Variants in RIMBP2 observed in about 807,000 individuals in gnomAD.
RIMBP2 encodes RIMS binding protein 2.
A neutral mutation model predicts 118.6 loss-of-function variants in RIMBP2; 48 were observed. That is an observed-to-expected ratio of 0.40 (90% CI 0.32 to 0.51). RIMBP2 has a LOEUF of 0.51. RIMBP2 is among the 20% of genes least tolerant of loss of function. The pLI, the probability that RIMBP2 is intolerant of heterozygous loss-of-function variation, is 0.41. For missense variants in RIMBP2, 1,551 were observed against 1,768.3 expected, an observed-to-expected ratio of 0.88 and a Z score of 2.20; for synonymous variants, 762 against 742.9, an observed-to-expected ratio of 1.03 and a Z score of -0.42.
At chr12:130,646,065 G>GCCTCTCCACCTCCCTCACCACTTC (rs1566421832) in intron 1 of RIMBP2, among the ~76,000 whole-genome samples, 4 of 79,708 alleles carry the variant, frequency 5.0e-5, no homozygotes, top group African/African-American at 1.0e-4. Flanking sequence ...CTCACCACCT[G>GCCTCTCCACCTCCCTCACCACTTC]CCTCTCCACC....
intron 6 of RIMBP2, among the ~76,000 whole-genome samples, chr12:130,459,083 T>G (rs1046034620): frequency 1.3e-5 from 2 of 150,748 alleles, no homozygotes; most frequent in Non-Finnish European, 3.0e-5. Context: ...AATAGACTTT[T>G]CATACAAAAA....
chr12:130,599,453 G>T (rs2059745224), intron 2 of RIMBP2, among the ~76,000 whole-genome samples: 1 of 152,164 alleles, frequency 6.6e-6, no homozygotes, highest in African/African-American at 2.4e-5. Context: ...TGGGCAAAAT[G>T]ATTTGAAAAA....
Position 130,442,395 on chromosome 12 carries a change from T to C in RIMBP2, c.957A>G (p.Lys319=), listed in dbSNP as rs902058951. The change falls in exon 11 of 23, where the codon AAA becomes AAG. Residue 319 remains lysine (K), a synonymous_variant. Transcript: ENST00000690449. The surrounding 1 kb of genome is among the most constrained non-coding windows in gnomAD (Gnocchi z 6.9). ...IGEDIVPYPR[K]ITLIKQLAKS... ...TGGCGAGTTGTTTGATGAGGGTGAT[T>C]TTTCTAGGGTAAGGCACGATGTCTT... The C allele has an allele frequency of 1.2e-6, 2 of 1,613,918 alleles. No individual in the cohort carries two copies. The highest frequency in any genetic ancestry group is 2.7e-5 in the African/African-American group (2 of 74,884).
chr12:130,442,269 G>C lies in RIMBP2; in HGVS notation c.1083C>G (p.Leu361=). ...GGGCTTTAGTTCTGCTCCCCAGCGT[G>C]AGGTTCATGCGTGTCTCCTTGTCCA... ...VLVDKETRMN[L]TLGSRTKALI... Residue 361 remains leucine, a synonymous_variant, in exon 11 of 23, where the codon CTC becomes CTG. Transcript: ENST00000690449. This position sits in a 1 kb window ranked among gnomAD's most constrained non-coding sequence, Gnocchi z 6.9. The C allele has an allele frequency of 6.2e-7, 1 of 1,614,198 alleles. No individual in the cohort carries two copies. The highest frequency in any genetic ancestry group is 8.5e-7 in the Non-Finnish European group (1 of 1,180,052).
At chr12:130,612,971 C>T (rs1321250774) in intron 2 of RIMBP2, among the ~76,000 whole-genome samples, 4 of 151,974 alleles carry the variant, frequency 2.6e-5, no homozygotes. Flanking sequence ...AGTCTCCAGC[C>T]CCCCGTCATC....
intron 2 of RIMBP2, among the ~76,000 whole-genome samples, chr12:130,527,111 T>C (rs1285528392): frequency 6.6e-6 from 1 of 152,200 alleles, no homozygotes; most frequent in Non-Finnish European, 1.5e-5. Flanking sequence ...GAGGGACCGT[T>C]GGGACTTGGA....
chr12:130,622,500 T>G lies in RIMBP2; in HGVS notation c.-217+5822A>C, dbSNP rs1016717003. On this transcript the variant is annotated intron_variant, in intron 2 of 22. Transcript: ENST00000690449. The surrounding 1 kb of genome is among the most constrained non-coding windows in gnomAD (Gnocchi z 8.5). ...TTTTCATATATTTATATATAATATA[T>G]ATTTGATAATAGAGATGGAGTCTCA... is the stretch of plus-strand genomic sequence containing the variant. 6.6e-6 allele frequency among the ~76,000 whole-genome samples: 1 copy of G among 151,964 alleles called. No homozygotes were observed. Among genetic ancestry groups the G allele is most frequent in the African/African-American group, 2.4e-5 (1 of 41,400 alleles).
intron 1 of RIMBP2, among the ~76,000 whole-genome samples, chr12:130,634,909 G>A (rs1336013195): frequency 1.3e-5 from 2 of 152,050 alleles, no homozygotes; most frequent in African/African-American, 4.8e-5. Context: ...GACTCCACCT[G>A]TAAACAAATC....
At chr12:130,443,534 C>T (rs759271198) in intron 10 of RIMBP2, among the ~76,000 whole-genome samples, 8 of 152,162 alleles carry the variant, frequency 5.3e-5, no homozygotes, top group Non-Finnish European at 7.3e-5. Context: ...TTGGATTCTG[C>T]GCCCAGAAGA....
At chr12:130,663,984 T>C (rs1410670297) in intron 1 of RIMBP2, among the ~76,000 whole-genome samples, 1 of 151,394 alleles carries the variant, frequency 6.6e-6, no homozygotes, top group Non-Finnish European at 1.5e-5. Context: ...GGGAGATCTC[T>C]GTGAAGCATT....
At position 130,479,002 on chromosome 12, in the gene RIMBP2, C is replaced by T. The variant is rs769282375; in HGVS notation, c.12G>A (p.Ala4=). The change falls in exon 5 of 23, where the codon GCG becomes GCA. Residue 4 remains alanine, a synonymous_variant. Coordinates refer to ENST00000690449, the MANE Select transcript of RIMBP2 (RefSeq NM_001393629.1). ...ACTGCAGCTGCTGCCGCCGTTCAGC[C>T]GCCTCTCGCATATGCTGTGGGGACA... MRE[A]AERRQQLQLE... 1.3e-5 allele frequency: 21 copies of T among 1,613,714 alleles called. No homozygotes were observed. Among genetic ancestry groups the T allele is most frequent in the Middle Eastern group, 1.7e-4 (1 of 5,974 alleles).
chr12:130,480,230 C>CACAT (rs2081856829), intron 4 of RIMBP2, among the ~76,000 whole-genome samples: 2 of 98,140 alleles, frequency 2.0e-5, no homozygotes, highest in Admixed American at 1.2e-4. Context: ...CACACACACA[C>CACAT]ACACACCTGT....
chr12:130,551,333 TA>T (rs1174041204), intron 2 of RIMBP2, among the ~76,000 whole-genome samples: 20 of 152,226 alleles, frequency 1.3e-4, no homozygotes, highest in Non-Finnish European at 2.6e-4. Context: ...ATAATTGTGC[TA>T]TCACCCTAGA....
intron 2 of RIMBP2, among the ~76,000 whole-genome samples, chr12:130,526,998 A>T (rs906525152): frequency 1.3e-5 from 2 of 152,068 alleles, no homozygotes; most frequent in East Asian, 3.9e-4. Context: ...GTGGAAGGCG[A>T]GTGGTTGCTG....
Position 130,479,035 on chromosome 12 carries a change from G to A in RIMBP2, c.-3-19C>T. 1 of 1,601,538 alleles carries A rather than the reference G, an allele frequency of 6.2e-7. No homozygotes were observed. Among genetic ancestry groups the A allele is most frequent in the South Asian group, 1.1e-5 (1 of 89,856 alleles). ...GCATATGCTGTGGGGACAGAGAGAGGCCTGGCTGAGCAGGGCAGCCTGTGC... is the reference window on the plus strand; with the variant it reads ...GCATATGCTGTGGGGACAGAGAGAGACCTGGCTGAGCAGGGCAGCCTGTGC... On this transcript the variant is annotated intron_variant, in intron 4 of 22. Coordinates refer to ENST00000690449, the MANE Select transcript of RIMBP2 (RefSeq NM_001393629.1).
rs1025545838 is a variant in RIMBP2, at chr12:130,396,300, G to T, written c.*1061C>A. ...CGTTTTTGAAGACACAATGGGGAAA[G>T]CTTTGTCATTCATTTATAAACCGTC... is the stretch of plus-strand genomic sequence containing the variant. On this transcript the variant is annotated 3_prime_UTR_variant, in exon 23 of 23. Coordinates refer to ENST00000690449, the MANE Select transcript of RIMBP2 (RefSeq NM_001393629.1). The T allele has an allele frequency of 1.3e-5, 2 of 152,600 alleles. No individual in the cohort carries two copies. The highest frequency in any genetic ancestry group is 4.8e-5 in the African/African-American group (2 of 41,446). The allele number at this position is 152,600 out of a possible 1,614,324, so 9.5% of individuals were successfully genotyped here.
rs371821916 is a variant in RIMBP2, at chr12:130,536,035, C to T, written c.-216-18118G>A. On this transcript the variant is annotated intron_variant, in intron 2 of 22. Coordinates refer to ENST00000690449, the MANE Select transcript of RIMBP2 (RefSeq NM_001393629.1). ...AACTCCTGAGCTCAAGCAATCTCTCCGCCTCGGCTTCCCAAAGTGCTGGCA... is the reference window on the plus strand; with the variant it reads ...AACTCCTGAGCTCAAGCAATCTCTCTGCCTCGGCTTCCCAAAGTGCTGGCA... Among the ~76,000 whole-genome samples, 35 of 152,138 alleles carry T rather than the reference C, an allele frequency of 2.3e-4. 1 individual carries two copies. Among genetic ancestry groups the T allele is most frequent in the African/African-American group, 6.0e-4 (25 of 41,516 alleles).
chr12:130,459,185 G>A (rs756294153), intron 6 of RIMBP2, among the ~76,000 whole-genome samples: 2 of 152,096 alleles, frequency 1.3e-5, no homozygotes, highest in Non-Finnish European at 2.9e-5. Flanking sequence ...ACGGTGCCAT[G>A]AGGGAGTTTC....
At chr12:130,558,195 T>C (rs1320289291) in intron 2 of RIMBP2, among the ~76,000 whole-genome samples, 1 of 152,138 alleles carries the variant, frequency 6.6e-6, no homozygotes, top group African/African-American at 2.4e-5. Context: ...GGGTCATTCT[T>C]GCCGGTTTTT....
Sources: allele counts gnomAD v4.1 joint callset (sites outside exome capture counted in the v4.1 genomes callset), GRCh38; gene constraint gnomAD v4.1.1; non-coding constraint Gnocchi (gnomAD v3.1); transcripts MANE v1.5; gene names NCBI Gene and HGNC (gene_info 2026-07-23, HGNC 2026-07-21).